Variants in TWIST2 observed in about 807,000 individuals in gnomAD.
The protein encoded by TWIST2 is twist-related protein 2.
Under a neutral mutation model 11.6 loss-of-function variants are expected in TWIST2, and 1 was observed. The observed-to-expected ratio is 0.09, with a 90% CI of 0.03 to 0.41. TWIST2 has a LOEUF of 0.41. Among genes scored for constraint, TWIST2 ranks in the 10% least tolerant of loss-of-function variants. The pLI, the probability that TWIST2 is intolerant of heterozygous loss-of-function variation, is 0.98. For missense variants in TWIST2, 168 were observed against 226.4 expected (o/e 0.74, Z 1.66); for synonymous variants, 87 against 96.6 (o/e 0.90, Z 0.58).
At chr2:238,898,960 C>T (rs1043719951) in intron 1 of TWIST2, among the ~76,000 whole-genome samples, 3 of 152,266 alleles carry the variant, frequency 2.0e-5, no homozygotes, top group Admixed American at 2.0e-4. Flanking sequence ...GACAATGTGA[C>T]CGATGACTGC....
rs1692491491 is a variant in TWIST2 at position 238,864,307 on chromosome 2, A to G, written c.*35+15574A>G. ...GGCCTGATCCTCAGTTCGAAGACAC[A>G]GATGCTCACTGCTGTAGAGACATAA... On this transcript the variant is annotated intron_variant, in intron 1 of 1. Transcript: ENST00000612363. This position sits in a 1 kb window ranked among gnomAD's most constrained non-coding sequence, Gnocchi z 4.7. 6.6e-6 allele frequency among the ~76,000 whole-genome samples: 1 copy of G among 152,228 alleles called. No homozygotes were observed. Among genetic ancestry groups the G allele is most frequent in the Admixed American group, 6.5e-5 (1 of 15,290 alleles).
intron 1 of TWIST2, among the ~76,000 whole-genome samples, chr2:238,888,571 A>T (rs908646661): frequency 5.3e-5 from 8 of 152,288 alleles, no homozygotes; most frequent in African/African-American, 1.9e-4. Context: ...TTACTCAAGG[A>T]TGTTGAGATG....
intron 1 of TWIST2, among the ~76,000 whole-genome samples, chr2:238,874,504 C>T (rs949983794): frequency 2.0e-5 from 3 of 152,092 alleles, no homozygotes; most frequent in African/African-American, 4.8e-5. Context: ...AATAAAAAAG[C>T]GAGCTTTCGA....
chr2:238,896,906 C>T (rs977227345), intron 1 of TWIST2, among the ~76,000 whole-genome samples: 2 of 152,216 alleles, frequency 1.3e-5, no homozygotes, highest in Non-Finnish European at 2.9e-5. Context: ...GGGGTCCTGC[C>T]TGTAACAGTC....
At chr2:238,896,471 G>A (rs1032987520) in intron 1 of TWIST2, among the ~76,000 whole-genome samples, 3 of 152,178 alleles carry the variant, frequency 2.0e-5, no homozygotes, top group Admixed American at 6.5e-5. Flanking sequence ...GAGGAACCTG[G>A]GGCACAGAAA....
chr2:238,874,873 G>T (rs1692775126), intron 1 of TWIST2, among the ~76,000 whole-genome samples: 1 of 152,110 alleles, frequency 6.6e-6, no homozygotes, highest in African/African-American at 2.4e-5. Flanking sequence ...TGAGTTCTCG[G>T]GTGAGGTTCT....
chr2:238,870,539 T>TACAC (rs1692655766), intron 1 of TWIST2, among the ~76,000 whole-genome samples: 1 of 71,546 alleles, frequency 1.4e-5, no homozygotes. Flanking sequence ...ACACCCTACA[T>TACAC]ACCCCACACA....
intron 1 of TWIST2, among the ~76,000 whole-genome samples, chr2:238,854,261 T>C (rs570258306): frequency 1.3e-5 from 2 of 152,368 alleles, no homozygotes; most frequent in African/African-American, 4.8e-5. Flanking sequence ...TAGCCATCAG[T>C]ATCTTCTGGG....
At chr2:238,885,833 A>G (rs1303811678) in intron 1 of TWIST2, among the ~76,000 whole-genome samples, 3 of 152,126 alleles carry the variant, frequency 2.0e-5, no homozygotes, top group Admixed American at 6.5e-5. Context: ...GCACTTTGAG[A>G]TGTTTGGGGC....
chr2:238,885,894 T>C (rs1017815492), intron 1 of TWIST2, among the ~76,000 whole-genome samples: 1 of 152,022 alleles, frequency 6.6e-6, no homozygotes, highest in African/African-American at 2.4e-5. Flanking sequence ...CCAGAGGCTG[T>C]ACTGAGGCCT....
At position 238,848,258 on chromosome 2, in the gene TWIST2, C is replaced by G; in HGVS notation, c.43C>G (p.Leu15Val). Residue 15 changes from leucine to valine, a missense_variant, in exon 1 of 2, where the codon CTG becomes GTG. Leu to Val is a conservative substitution (Grantham distance 32). Coordinates refer to ENST00000612363, the MANE Select transcript of TWIST2 (RefSeq NM_001271893.4). Reference protein sequence around the residue: ...SSSPVSPVDSLGTSEEELERQ... With the variant: ...SSSPVSPVDSVGTSEEELERQ... The stretch of plus-strand genomic sequence containing the variant: ...CTCGCCCGTGTCCCCCGTGGACAGC[C>G]TGGGCACCAGCGAGGAGGAGCTCGA... 1 of 1,523,904 alleles carries G rather than the reference C, an allele frequency of 6.6e-7. No individual in the cohort carries two copies. Among genetic ancestry groups the G allele is most frequent in the Non-Finnish European group, 8.8e-7 (1 of 1,138,558 alleles). 94.4% of individuals were successfully genotyped at this position (1,523,904 alleles called of 1,614,324 possible).
At position 238,897,361 on chromosome 2, in the gene TWIST2, G is replaced by A. The variant is rs1022658817; in HGVS notation, c.*36-12481G>A. ...AAGCTTCCAGGGCTGGGGGAGCCAC[G>A]GAGTTTGGCCAGGAGGAGGGGAGCC... On this transcript the variant is annotated intron_variant, in intron 1 of 1. Transcript: ENST00000612363. 1.1e-3 allele frequency among the ~76,000 whole-genome samples: 170 copies of A among 152,158 alleles called. 1 individual carries two copies. Among genetic ancestry groups the A allele is most frequent in the African/African-American group, 3.9e-3 (162 of 41,512 alleles).
At chr2:238,908,930 GTT>G (rs1693403115) in intron 1 of TWIST2, among the ~76,000 whole-genome samples, 30 of 151,928 alleles carry the variant, frequency 2.0e-4, no homozygotes, top group African/African-American at 7.3e-4. Flanking sequence ...AGTGTGGTGT[GTT>G]TGTGTGTGTG....
At chr2:238,854,741 C>T (rs760281017) in intron 1 of TWIST2, among the ~76,000 whole-genome samples, 4 of 152,170 alleles carry the variant, frequency 2.6e-5, no homozygotes, top group South Asian at 2.1e-4. Context: ...GGCCCGCTTC[C>T]GAGGCAGGGG....
At chr2:238,880,299 TTGTTAG>T (rs1271588777) in intron 1 of TWIST2, among the ~76,000 whole-genome samples, 151 of 122,556 alleles carry the variant, frequency 1.2e-3, no homozygotes, top group African/African-American at 4.9e-3. Flanking sequence ...GTTAGTGTTA[TTGTTAG>T]TGTTAGTGTT....
intron 1 of TWIST2, among the ~76,000 whole-genome samples, chr2:238,870,140 C>CA (rs1491347285): frequency 2.1e-5 from 3 of 140,200 alleles, no homozygotes; most frequent in African/African-American, 5.6e-5. Flanking sequence ...ACACACCACA[C>CA]CCCATACACA....
chr2:238,895,513 A>G (rs1478349415), intron 1 of TWIST2, among the ~76,000 whole-genome samples: 2 of 152,176 alleles, frequency 1.3e-5, no homozygotes, highest in African/African-American at 2.4e-5. Context: ...TCACGGGTTG[A>G]AAGGGTTCCT....
intron 1 of TWIST2, among the ~76,000 whole-genome samples, chr2:238,872,396 C>T (rs143344718): frequency 1.0e-3 from 156 of 152,258 alleles, no homozygotes; most frequent in African/African-American, 3.5e-3. Flanking sequence ...GCTTCCAGCA[C>T]GTTCTACTTG....
intron 1 of TWIST2, among the ~76,000 whole-genome samples, chr2:238,878,689 CTT>C (rs1692851767): frequency 6.6e-6 from 1 of 152,206 alleles, no homozygotes; most frequent in Non-Finnish European, 1.5e-5. Flanking sequence ...GAACACAAAC[CTT>C]TCTCTGAGAA....
Sources: allele counts gnomAD v4.1 joint callset (sites outside exome capture counted in the v4.1 genomes callset), GRCh38; gene constraint gnomAD v4.1.1; non-coding constraint Gnocchi (gnomAD v3.1); transcripts MANE v1.5; gene names NCBI Gene and HGNC (gene_info 2026-07-23, HGNC 2026-07-21).